Variants in RPS6KC1 observed in about 807,000 individuals in gnomAD.
The protein encoded by RPS6KC1 is ribosomal protein S6 kinase C1, also known as inactive ribosomal protein S6 kinase delta-1.
Under a neutral mutation model 103.8 loss-of-function variants are expected in RPS6KC1, and 54 were observed. That is an observed-to-expected ratio of 0.52 (90% confidence interval 0.42 to 0.65). The LOEUF (loss-of-function observed/expected upper bound fraction) is 0.65, where lower values mean the gene tolerates loss of function less well. Among genes scored for constraint, RPS6KC1 ranks in the 30% least tolerant of loss-of-function variants. RPS6KC1 has a pLI of 0.00. For synonymous variants in RPS6KC1, 439 were observed against 438.7 expected (o/e 1.00, Z -0.01); for missense variants, 1,151 against 1,253.8 (o/e 0.92, Z 1.24).
At chr1:213,440,748 C>T in the RPS6KC1 span, among the ~76,000 whole-genome samples, 1 of 152,076 alleles carries the variant, frequency 6.6e-6, no homozygotes, top group Non-Finnish European at 1.5e-5. Context: ...TAGCATTTCT[C>T]ATAGATGGTG....
At chr1:213,735,272 A>G in the RPS6KC1 span, among the ~76,000 whole-genome samples, 1 of 152,208 alleles carries the variant, frequency 6.6e-6, no homozygotes, top group Non-Finnish European at 1.5e-5. Flanking sequence ...CTAAGCTCAG[A>G]GTGTCCAGGA....
At chr1:213,242,360 C>T (rs764793362) in intron 11 of RPS6KC1, 63 bp downstream of exon 11, 26 of 1,550,994 alleles carry the variant, frequency 1.7e-5, no homozygotes, top group South Asian at 1.3e-4. Context: ...ACTGAGTAGG[C>T]GTTTTATCTT....
At chr1:213,572,539 G>GT in the RPS6KC1 span, among the ~76,000 whole-genome samples, 189 of 152,148 alleles carry the variant, frequency 1.2e-3, 1 homozygote, top group African/African-American at 4.3e-3. Context: ...ACATTTTAAA[G>GT]TTTTTTTTAA....
At chr1:213,079,284 A>G (rs1485191881) in intron 3 of RPS6KC1, among the ~76,000 whole-genome samples, 4 of 152,168 alleles carry the variant, frequency 2.6e-5, no homozygotes, top group African/African-American at 9.7e-5. Flanking sequence ...GCAGGTGTAC[A>G]GTAGGGTGAA....
At chr1:213,226,003 C>T (rs1469067879) in intron 8 of RPS6KC1, among the ~76,000 whole-genome samples, 1 of 151,394 alleles carries the variant, frequency 6.6e-6, no homozygotes, top group East Asian at 2.0e-4. Flanking sequence ...GCGGGCGGAT[C>T]ACGAGGTCGG....
At chr1:213,789,181 T>C in the RPS6KC1 span, among the ~76,000 whole-genome samples, 2 of 152,168 alleles carry the variant, frequency 1.3e-5, no homozygotes, top group Non-Finnish European at 2.9e-5. Flanking sequence ...AGAGATTGTG[T>C]AGTTTTTTCC....
chr1:213,176,687 A>AT (rs966927420), intron 8 of RPS6KC1, 195 bp downstream of exon 8: 1 of 388,804 alleles, frequency 2.6e-6, no homozygotes, highest in Non-Finnish European at 4.7e-6. Context: ...TGCAAAATAT[A>AT]TTTGAGCTAA....
At chr1:213,693,821 T>C in the RPS6KC1 span, among the ~76,000 whole-genome samples, 6 of 152,188 alleles carry the variant, frequency 3.9e-5, no homozygotes, top group Non-Finnish European at 7.3e-5. Context: ...GTCAATAATA[T>C]ATTTATCTTA....
rs182339441 is a variant in RPS6KC1, at chr1:213,119,361, T to C, written c.472+1951T>C. Among the ~76,000 whole-genome samples, 542 of 147,358 alleles carry C rather than the reference T, an allele frequency of 3.7e-3. 2 individuals carry two copies. Among genetic ancestry groups the C allele is most frequent in the African/African-American group, 0.013 (510 of 39,550 alleles). The stretch of plus-strand genomic sequence containing the variant: ...ACTTGGGAGGCTGAGGCATGAGAAT[T>C]GCCTGAACCATGGGGGTGGAGGTTG... On this transcript the variant is annotated intron_variant, in intron 5 of 14. Coordinates refer to ENST00000366960, the MANE Select transcript of RPS6KC1 (RefSeq NM_012424.6).
chr1:213,246,182 AG>A (rs1474609181), intron 12 of RPS6KC1, among the ~76,000 whole-genome samples: 1 of 152,124 alleles, frequency 6.6e-6, no homozygotes, highest in Non-Finnish European at 1.5e-5. Context: ...CATTCCTTTT[AG>A]GTTCACTTTG....
the RPS6KC1 span, among the ~76,000 whole-genome samples, chr1:213,646,899 T>TA: frequency 4.0e-5 from 4 of 100,544 alleles, no homozygotes; most frequent in African/African-American, 1.2e-4. Flanking sequence ...ATATATATAT[T>TA]TTTGTTTGTT....
At chr1:213,505,996 A>T in the RPS6KC1 span, among the ~76,000 whole-genome samples, 1 of 152,100 alleles carries the variant, frequency 6.6e-6, no homozygotes, top group Admixed American at 6.5e-5. Flanking sequence ...TGTCATCTGC[A>T]TTTGTTTGTT....
intron 12 of RPS6KC1, among the ~76,000 whole-genome samples, chr1:213,255,252 G>A (rs2094615357): frequency 6.6e-6 from 1 of 151,664 alleles, no homozygotes; most frequent in South Asian, 2.1e-4. Context: ...CTTGAGCCCA[G>A]GAGGTCGAGG....
At chr1:213,596,423 A>T in the RPS6KC1 span, among the ~76,000 whole-genome samples, 1 of 152,254 alleles carries the variant, frequency 6.6e-6, no homozygotes, top group Admixed American at 6.5e-5. Flanking sequence ...AATGAGGTCC[A>T]GTTGAAGAAG....
chr1:213,376,816 C>T, the RPS6KC1 span, among the ~76,000 whole-genome samples: 20 of 152,278 alleles, frequency 1.3e-4, no homozygotes, highest in Non-Finnish European at 2.4e-4. Flanking sequence ...ATCAACACCC[C>T]CAAAGTTAGG....
the RPS6KC1 span, among the ~76,000 whole-genome samples, chr1:213,504,298 C>T: frequency 6.6e-6 from 1 of 152,084 alleles, no homozygotes; most frequent in South Asian, 2.1e-4. Flanking sequence ...TTTATAATTG[C>T]TTTTTTTGCA....
chr1:213,611,094 T>G, the RPS6KC1 span, among the ~76,000 whole-genome samples: 3 of 152,236 alleles, frequency 2.0e-5, no homozygotes, highest in Non-Finnish European at 4.4e-5. Flanking sequence ...TTTTTGGGAC[T>G]GGTCTTCTGT....
chr1:213,580,425 G>C, the RPS6KC1 span, among the ~76,000 whole-genome samples: 134 of 152,212 alleles, frequency 8.8e-4, no homozygotes, highest in African/African-American at 3.1e-3. Context: ...TAAAGATGCT[G>C]TAAACATTGT....
At chr1:213,438,553 G>C in the RPS6KC1 span, among the ~76,000 whole-genome samples, 2 of 152,210 alleles carry the variant, frequency 1.3e-5, no homozygotes, top group African/African-American at 2.4e-5. Context: ...CTGAAAGTCA[G>C]GTGTCTAATT....
Sources: gnomAD v4.1 joint callset for allele counts (sites outside exome capture counted in the v4.1 genomes callset) on GRCh38, gnomAD v4.1.1 for gene constraint, MANE v1.5 for transcripts, NCBI Gene and HGNC (gene_info 2026-07-23, HGNC 2026-07-21) for gene names.